AGPS: variants seen among roughly 807,000 people sequenced by gnomAD.
AGPS encodes the protein alkyldihydroxyacetonephosphate synthase, peroxisomal.
AGPS carries 26 observed loss-of-function variants against 90.7 expected under a neutral mutation model. That is an observed-to-expected ratio of 0.29 (90% confidence interval 0.21 to 0.40). The LOEUF (loss-of-function observed/expected upper bound fraction) is 0.40. Among genes scored for constraint, AGPS ranks in the 10% least tolerant of loss-of-function variants. The pLI is 1.00. For synonymous variants in AGPS, 294 were observed against 285.3 expected (o/e 1.03, Z -0.31); for missense variants, 540 against 816.1 (o/e 0.66, Z 4.12).
chr2:177,393,811 CG>C (rs1685093412), intron 1 of AGPS, among the ~76,000 whole-genome samples: 1 of 149,406 alleles, frequency 6.7e-6, no homozygotes. Flanking sequence ...AGGATGGTCT[CG>C]ATCTCCTCAA....
chr2:177,440,509 GT>G (rs755571595), intron 5 of AGPS, among the ~76,000 whole-genome samples: 28 of 152,198 alleles, frequency 1.8e-4, no homozygotes, highest in Middle Eastern at 3.4e-3. Context: ...GGTCATGAAA[GT>G]TAAAGATACT....
At chr2:177,522,660 G>A (rs912881209) in intron 18 of AGPS, among the ~76,000 whole-genome samples, 2 of 152,048 alleles carry the variant, frequency 1.3e-5, no homozygotes, top group Non-Finnish European at 2.9e-5. Context: ...TCACCAGTTG[G>A]CCAGGCTGGT....
intron 19 of AGPS, among the ~76,000 whole-genome samples, chr2:177,525,472 T>A (rs996297734): frequency 2.6e-5 from 4 of 152,140 alleles, no homozygotes; most frequent in Non-Finnish European, 5.9e-5. Context: ...GCCAACAAAT[T>A]TGCCCTTTGG....
intron 10 of AGPS, among the ~76,000 whole-genome samples, chr2:177,481,609 A>G (rs1431491263): frequency 3.3e-5 from 5 of 151,964 alleles, no homozygotes; most frequent in African/African-American, 7.2e-5. Context: ...GATTTCTTCT[A>G]TCATCTTAGA....
chr2:177,451,268 A>T (rs2105651415), intron 8 of AGPS, among the ~76,000 whole-genome samples: 2 of 152,198 alleles, frequency 1.3e-5, no homozygotes, highest in African/African-American at 4.8e-5. Flanking sequence ...GTATATTTTT[A>T]AAAACAGGAT....
chr2:177,469,829 A>G (rs995170634), intron 10 of AGPS, among the ~76,000 whole-genome samples: 5 of 152,162 alleles, frequency 3.3e-5, no homozygotes, highest in Non-Finnish European at 7.4e-5. Context: ...TCAAATAGCC[A>G]CATTATACTT....
intron 19 of AGPS, among the ~76,000 whole-genome samples, chr2:177,526,891 T>G (rs987917759): frequency 6.6e-6 from 1 of 152,216 alleles, no homozygotes; most frequent in African/African-American, 2.4e-5. Context: ...TTAATTCTGC[T>G]TAATGCAGTG....
chr2:177,504,449 A>AT (rs763718436), intron 14 of AGPS, among the ~76,000 whole-genome samples: 30 of 151,916 alleles, frequency 2.0e-4, no homozygotes, highest in African/African-American at 5.1e-4. Flanking sequence ...AGTCCCCTTC[A>AT]TTTTTTTTAT....
chr2:177,395,542 A>G (rs1294192619), intron 1 of AGPS, among the ~76,000 whole-genome samples: 1 of 152,236 alleles, frequency 6.6e-6, no homozygotes, highest in Non-Finnish European at 1.5e-5. Flanking sequence ...GATATACTTG[A>G]TAGATAATCA....
At chr2:177,458,655 C>G (rs917662387) in intron 8 of AGPS, among the ~76,000 whole-genome samples, 1 of 152,180 alleles carries the variant, frequency 6.6e-6, no homozygotes, top group Non-Finnish European at 1.5e-5. Flanking sequence ...CTACAAACTG[C>G]TGCTCAAGGA....
At chr2:177,473,657 C>G (rs1408517354) in intron 10 of AGPS, among the ~76,000 whole-genome samples, 1 of 152,100 alleles carries the variant, frequency 6.6e-6, no homozygotes, top group African/African-American at 2.4e-5. Context: ...AAAAAAGAAT[C>G]AATAAATACA....
chr2:177,493,197 T>A lies in AGPS; in HGVS notation c.1283T>A (p.Phe428Tyr). The A allele has an allele frequency of 6.2e-7, 1 of 1,611,992 alleles. No homozygotes were observed. The highest frequency in any genetic ancestry group is 1.1e-5 in the South Asian group (1 of 91,032). The change falls in exon 12 of 20, where the codon TTT becomes TAT. Residue 428 changes from phenylalanine (F) to tyrosine (Y), a missense_variant and splice_region_variant. Phe to Tyr is a conservative substitution (Grantham distance 22). Transcript: ENST00000264167. ...IRLMDNKQFQ[F>Y]GHALKPQVSS... ...CTCATGGACAACAAGCAGTTTCAGT[T>A]TGGTAAGTAAGGAGTGGTAATTTTA...
chr2:177,412,571 G>T (rs1685651323), intron 1 of AGPS, among the ~76,000 whole-genome samples: 1 of 152,156 alleles, frequency 6.6e-6, no homozygotes, highest in Admixed American at 6.6e-5. Flanking sequence ...ATTTTCCTCT[G>T]ATTCTAAGGA....
chr2:177,478,832 G>A (rs931285245), intron 10 of AGPS, among the ~76,000 whole-genome samples: 11 of 151,510 alleles, frequency 7.3e-5, no homozygotes, highest in African/African-American at 2.4e-4. Context: ...GAGCGCAAGA[G>A]GGGTCCTCCC....
intron 7 of AGPS, among the ~76,000 whole-genome samples, chr2:177,445,203 C>T (rs980263523): frequency 6.6e-6 from 1 of 152,120 alleles, no homozygotes; most frequent in African/African-American, 2.4e-5. Context: ...GTAGCCAACA[C>T]TTTATGTATT....
Position 177,538,247 on chromosome 2 carries a change from C to T in AGPS, c.*52C>T. 1 of 1,559,584 alleles carries T rather than the reference C, an allele frequency of 6.4e-7. No individual in the cohort carries two copies. The highest frequency in any genetic ancestry group is 8.8e-7 in the Non-Finnish European group (1 of 1,132,150). Reference sequence around the variant, plus strand: ...GTCAATTTTTTTTTTAAGTTTTCAACTGTGGTTATACTAGTAATCAAATAT... The same window carrying T: ...GTCAATTTTTTTTTTAAGTTTTCAATTGTGGTTATACTAGTAATCAAATAT... On this transcript the variant is annotated 3_prime_UTR_variant, in exon 20 of 20. Coordinates refer to ENST00000264167, the MANE Select transcript of AGPS (RefSeq NM_003659.4).
At chr2:177,528,830 T>C (rs2079111856) in intron 19 of AGPS, among the ~76,000 whole-genome samples, 1 of 150,242 alleles carries the variant, frequency 6.7e-6, no homozygotes, top group Non-Finnish European at 1.5e-5. Context: ...CAAATAGCTC[T>C]GAATCTTGCA....
At position 177,499,600 on chromosome 2, in the gene AGPS, A is replaced by ATTT; in HGVS notation, c.1363-7_1363-5dup. Reference sequence around the variant, plus strand: ...GGATAAGACTTATCTGTAATAATAAATTTTTTTTTTTTTGTAGTTTAAAGG... The same window carrying ATTT: ...GGATAAGACTTATCTGTAATAATAAATTTTTTTTTTTTTTTTGTAGTTTAAAGG... On this transcript the variant is annotated splice_polypyrimidine_tract_variant and intron_variant, in intron 13 of 19. Coordinates refer to ENST00000264167, the MANE Select transcript of AGPS (RefSeq NM_003659.4). 8.1e-6 allele frequency: 9 copies of ATTT among 1,113,928 alleles called. No individual in the cohort carries two copies. The highest frequency in any genetic ancestry group is 1.0e-5 in the Non-Finnish European group (8 of 787,290). 69.0% of individuals were successfully genotyped at this position (1,113,928 alleles called of 1,614,324 possible).
chr2:177,532,628 A>G (rs1181197386), intron 19 of AGPS, among the ~76,000 whole-genome samples: 2 of 152,184 alleles, frequency 1.3e-5, no homozygotes, highest in Non-Finnish European at 2.9e-5. Context: ...TACCAGAGAA[A>G]TGAAAACTTA....
Sources: gnomAD v4.1 joint callset for allele counts (sites outside exome capture counted in the v4.1 genomes callset) on GRCh38, gnomAD v4.1.1 for gene constraint, MANE v1.5 for transcripts, NCBI Gene and HGNC (gene_info 2026-07-23, HGNC 2026-07-21) for gene names.